GRM7: variants seen among roughly 807,000 people sequenced by gnomAD.
The protein encoded by GRM7 is metabotropic glutamate receptor 7.
GRM7 carries 35 observed loss-of-function variants against 84.5 expected under a neutral mutation model. The observed-to-expected ratio is 0.41, with a 90% confidence interval of 0.32 to 0.55. The LOEUF is 0.55. GRM7 is among the 20% of genes least tolerant of loss of function. The pLI, the probability that GRM7 is intolerant of heterozygous loss-of-function variation, is 0.19. For missense variants in GRM7, 1,003 were observed against 1,194.6 expected (o/e 0.84, Z 2.36); for synonymous variants, 487 against 455.1 (o/e 1.07, Z -0.89).
chr3:7,650,191 C>G (rs1482219526), intron 8 of GRM7, among the ~76,000 whole-genome samples: 1 of 144,816 alleles, frequency 6.9e-6, no homozygotes, highest in Non-Finnish European at 1.6e-5. Flanking sequence ...TAGTGTTTCT[C>G]AAAAGCTTGC....
At chr3:7,302,785 T>C (rs1700047167) in intron 3 of GRM7, among the ~76,000 whole-genome samples, 1 of 152,102 alleles carries the variant, frequency 6.6e-6, no homozygotes, top group South Asian at 2.1e-4. Context: ...GGATGTATTG[T>C]CTTTTTTTTT....
In GRM7 at chr3:7,148,260, C is replaced by T. The variant is rs114255046; in HGVS notation, c.736+1592C>T. On this transcript the variant is annotated intron_variant, in intron 2 of 9. Coordinates refer to ENST00000357716, the MANE Select transcript of GRM7 (RefSeq NM_000844.4). Reference sequence around the variant, plus strand: ...GCCTTGATCAAACTAAGGCTGGAGGCTGACTTAGAAACATATCAAAAATTT... The same window carrying T: ...GCCTTGATCAAACTAAGGCTGGAGGTTGACTTAGAAACATATCAAAAATTT... 3.2e-3 allele frequency among the ~76,000 whole-genome samples: 488 copies of T among 152,070 alleles called. 3 individuals are homozygous for T. Among genetic ancestry groups the T allele is most frequent in the African/African-American group, 0.011 (457 of 41,482 alleles).
At chr3:7,064,040 TTTTA>T (rs1380651303) in intron 1 of GRM7, among the ~76,000 whole-genome samples, 2 of 151,642 alleles carry the variant, frequency 1.3e-5, no homozygotes, top group African/African-American at 4.8e-5. Context: ...GATTTGCTGT[TTTTA>T]TTTATTTATT....
At chr3:7,160,368 A>G (rs1200995999) in intron 2 of GRM7, among the ~76,000 whole-genome samples, 1 of 152,162 alleles carries the variant, frequency 6.6e-6, no homozygotes, top group East Asian at 1.9e-4. Context: ...TGAACATGTC[A>G]GAGGAATGGA....
At chr3:7,487,962 G>A (rs913751100) in intron 7 of GRM7, among the ~76,000 whole-genome samples, 2 of 152,136 alleles carry the variant, frequency 1.3e-5, no homozygotes, top group Admixed American at 6.5e-5. Flanking sequence ...CCACAGGGGA[G>A]GAGCTGTCTG....
chr3:6,863,046 C>G lies in GRM7; in HGVS notation c.519+1139C>G, dbSNP rs764836868. 20 of 454,894 alleles carry G rather than the reference C, an allele frequency of 4.4e-5. No homozygotes were observed. The highest frequency in any genetic ancestry group is 8.8e-5 in the Non-Finnish European group (20 of 226,252). 28.2% of individuals were successfully genotyped at this position (454,894 alleles called of 1,614,324 possible). On this transcript the variant is annotated intron_variant, in intron 1 of 9. Transcript: ENST00000357716. The surrounding 1 kb of genome is among the most constrained non-coding windows in gnomAD (Gnocchi z 4.8). ...GGGTTTGGAAATTGAGTTTCAGGGT[C>G]TCTGTGATTGTAGGTTCCCTCCTCT...
chr3:7,590,414 A>G (rs1695723395), intron 8 of GRM7, among the ~76,000 whole-genome samples: 1 of 151,226 alleles, frequency 6.6e-6, no homozygotes, highest in Non-Finnish European at 1.5e-5. Flanking sequence ...CGTACTGCCT[A>G]TGGTTGCTTT....
intron 5 of GRM7, among the ~76,000 whole-genome samples, chr3:7,440,637 T>C (rs1350636789): frequency 6.6e-6 from 1 of 152,162 alleles, no homozygotes; most frequent in African/African-American, 2.4e-5. Context: ...AGGTAGTTTT[T>C]CAGTTCTCAT....
chr3:7,140,374 A>G (rs778318235), intron 1 of GRM7, among the ~76,000 whole-genome samples: 9 of 151,988 alleles, frequency 5.9e-5, no homozygotes, highest in Non-Finnish European at 1.3e-4. Flanking sequence ...AAGGAAGGGA[A>G]AAAAATGAAT....
At chr3:7,112,102 C>G (rs1176570120) in intron 1 of GRM7, among the ~76,000 whole-genome samples, 1 of 152,146 alleles carries the variant, frequency 6.6e-6, no homozygotes, top group Non-Finnish European at 1.5e-5. Context: ...AAGATCACCT[C>G]TCAAAGAAAG....
At chr3:7,101,123 G>A (rs1699095968) in intron 1 of GRM7, among the ~76,000 whole-genome samples, 1 of 151,746 alleles carries the variant, frequency 6.6e-6, no homozygotes, top group South Asian at 2.1e-4. Flanking sequence ...TCTTAGAAGT[G>A]AAATTGCTGG....
chr3:7,163,691 T>G (rs928146271), intron 2 of GRM7, among the ~76,000 whole-genome samples: 4 of 152,184 alleles, frequency 2.6e-5, no homozygotes, highest in Admixed American at 2.6e-4. Flanking sequence ...AATAAAGAGA[T>G]GAATTAAATG....
At chr3:7,477,689 A>C (rs1381098817) in intron 7 of GRM7, among the ~76,000 whole-genome samples, 1 of 152,040 alleles carries the variant, frequency 6.6e-6, no homozygotes, top group East Asian at 1.9e-4. Flanking sequence ...ACATCACCAT[A>C]TGTTTCTTTT....
At chr3:7,464,568 T>C (rs796855700) in intron 7 of GRM7, among the ~76,000 whole-genome samples, 5 of 151,930 alleles carry the variant, frequency 3.3e-5, no homozygotes, top group African/African-American at 4.8e-5. Flanking sequence ...CAGTGGCTCA[T>C]GCCTGTAATC....
rs1208676111 is a variant in GRM7, at chr3:7,374,162, A to T, written c.1034-40861A>T. 2.6e-5 allele frequency among the ~76,000 whole-genome samples: 4 copies of T among 152,192 alleles called. No homozygotes were observed. In the East Asian group the frequency reaches 7.7e-4, roughly 29 times the overall value. On this transcript the variant is annotated intron_variant, in intron 4 of 9. Coordinates refer to ENST00000357716, the MANE Select transcript of GRM7 (RefSeq NM_000844.4). ...TACTTGCATGAAATATTAGTAAGAT[A>T]TAACATGAGTGAAACAGGCTTTCTC... is the stretch of plus-strand genomic sequence containing the variant.
At chr3:7,292,980 G>A (rs1341980104) in intron 2 of GRM7, among the ~76,000 whole-genome samples, 1 of 145,934 alleles carries the variant, frequency 6.9e-6, no homozygotes, top group Admixed American at 6.9e-5. Flanking sequence ...GTTGCAGTGA[G>A]ATGAGATTGC....
At chr3:6,945,691 T>C (rs1437109446) in intron 1 of GRM7, among the ~76,000 whole-genome samples, 1 of 152,104 alleles carries the variant, frequency 6.6e-6, no homozygotes, top group Non-Finnish European at 1.5e-5. Context: ...AGTGTAAAAG[T>C]GTTCCTATTT....
At chr3:6,890,925 G>T (rs1350883719) in intron 1 of GRM7, among the ~76,000 whole-genome samples, 1 of 152,100 alleles carries the variant, frequency 6.6e-6, no homozygotes, top group Non-Finnish European at 1.5e-5. Flanking sequence ...CCTGTATTGG[G>T]TGTATATATA....
At chr3:7,493,110 T>C (rs1379570945) in intron 7 of GRM7, among the ~76,000 whole-genome samples, 1 of 152,072 alleles carries the variant, frequency 6.6e-6, no homozygotes, top group Non-Finnish European at 1.5e-5. Flanking sequence ...TGGTGAATGT[T>C]CTATGAGCAC....
Sources: allele counts gnomAD v4.1 joint callset (sites outside exome capture counted in the v4.1 genomes callset), GRCh38; gene constraint gnomAD v4.1.1; non-coding constraint Gnocchi (gnomAD v3.1); transcripts MANE v1.5; gene names NCBI Gene and HGNC (gene_info 2026-07-23, HGNC 2026-07-21).